The following CNTNAP2 variants were observed in gnomAD, a reference collection of about 807,000 sequenced individuals.
CNTNAP2 encodes contactin-associated protein-like 2.
CNTNAP2 carries 98 observed loss-of-function variants against 155.2 expected under a neutral mutation model. That is an observed-to-expected ratio of 0.63 (90% CI 0.54 to 0.75). The LOEUF is 0.75. Among genes scored for constraint, CNTNAP2 ranks in the 30% least tolerant of loss-of-function variants. The pLI, the probability that CNTNAP2 is intolerant of heterozygous loss-of-function variation, is 0.00. For missense variants in CNTNAP2, 1,727 were observed against 1,688.1 expected (o/e 1.02, Z -0.40); for synonymous variants, 651 against 631.2 (o/e 1.03, Z -0.47).
intron 1 of CNTNAP2, among the ~76,000 whole-genome samples, chr7:146,281,274 G>A (rs1259340943): frequency 6.6e-6 from 1 of 152,002 alleles, no homozygotes; most frequent in Non-Finnish European, 1.5e-5. Flanking sequence ...TATAACCAGA[G>A]GTATTTTCAT....
At chr7:146,824,720 T>C (rs143977402) in intron 2 of CNTNAP2, among the ~76,000 whole-genome samples, 1 of 152,162 alleles carries the variant, frequency 6.6e-6, no homozygotes, top group Admixed American at 6.6e-5. Context: ...TGTTATAATA[T>C]GTTACTTAAA....
chr7:148,080,604 C>CAAAAAAAAAAAAAAAAA (rs199500286), intron 15 of CNTNAP2, among the ~76,000 whole-genome samples: 3 of 69,720 alleles, frequency 4.3e-5, no homozygotes, highest in African/African-American at 1.2e-4. Flanking sequence ...GACTCCATCT[C>CAAAAAAAAAAAAAAAAA]AAAAAAAAAA....
chr7:146,767,637 A>G (rs2129184887), intron 1 of CNTNAP2, among the ~76,000 whole-genome samples: 2 of 152,314 alleles, frequency 1.3e-5, no homozygotes, highest in South Asian at 4.1e-4. Flanking sequence ...TAAAAATGGG[A>G]GGAAAATATG....
intron 11 of CNTNAP2, among the ~76,000 whole-genome samples, chr7:147,522,258 C>T (rs906879032): frequency 6.6e-5 from 10 of 152,154 alleles, no homozygotes; most frequent in Non-Finnish European, 1.0e-4. Flanking sequence ...GGAGGACACA[C>T]GAATATTCTG....
chr7:146,193,255 C>T (rs1798731670), intron 1 of CNTNAP2, among the ~76,000 whole-genome samples: 1 of 152,188 alleles, frequency 6.6e-6, no homozygotes, highest in Non-Finnish European at 1.5e-5. Context: ...CTCACAGTTC[C>T]ACTAGGCAGT....
At chr7:146,842,980 C>CA (rs1803765898) in intron 3 of CNTNAP2, among the ~76,000 whole-genome samples, 1 of 138,436 alleles carries the variant, frequency 7.2e-6, no homozygotes, top group African/African-American at 2.7e-5. Context: ...CCACCACGCC[C>CA]GGCCTGTCCC....
chr7:146,803,292 C>G (rs1255595419), intron 2 of CNTNAP2, among the ~76,000 whole-genome samples: 1 of 152,144 alleles, frequency 6.6e-6, no homozygotes, highest in Non-Finnish European at 1.5e-5. Context: ...AGGAACACAT[C>G]ATCTGAGGAA....
chr7:148,196,659 T>C (rs1489323045), intron 18 of CNTNAP2, among the ~76,000 whole-genome samples: 1 of 152,216 alleles, frequency 6.6e-6, no homozygotes, highest in Non-Finnish European at 1.5e-5. Context: ...ACTGAGGCAT[T>C]GATAAATTAA....
chr7:147,921,893 G>T (rs1800287285), intron 14 of CNTNAP2, among the ~76,000 whole-genome samples: 2 of 152,112 alleles, frequency 1.3e-5, no homozygotes, highest in Admixed American at 6.6e-5. Context: ...TCAATATGGG[G>T]GGTAGGAATT....
At chr7:147,935,532 G>A (rs767533160) in intron 14 of CNTNAP2, among the ~76,000 whole-genome samples, 1 of 152,154 alleles carries the variant, frequency 6.6e-6, no homozygotes, top group African/African-American at 2.4e-5. Flanking sequence ...GTTGTGAATT[G>A]AAATTTTATA....
At chr7:148,237,096 A>C (rs997371670) in intron 20 of CNTNAP2, among the ~76,000 whole-genome samples, 1 of 152,124 alleles carries the variant, frequency 6.6e-6, no homozygotes, top group Non-Finnish European at 1.5e-5. Context: ...TTCCTGCACC[A>C]CCTGCCACCT....
intron 15 of CNTNAP2, among the ~76,000 whole-genome samples, chr7:148,091,948 A>C (rs1366400066): frequency 6.6e-6 from 1 of 152,206 alleles, no homozygotes; most frequent in African/African-American, 2.4e-5. Context: ...AGAGACATGA[A>C]AATAAAGAAT....
At chr7:147,116,100 C>T (rs916289273) in intron 5 of CNTNAP2, among the ~76,000 whole-genome samples, 8 of 152,022 alleles carry the variant, frequency 5.3e-5, no homozygotes, top group East Asian at 1.9e-4. Flanking sequence ...GGAGTCCACT[C>T]GAGACACTAG....
chr7:146,339,832 C>A lies in CNTNAP2; in HGVS notation c.97+222859C>A, dbSNP rs543721535. ...CATTTGTCAGTCTAATTAAAAAAAA[C>A]CACAAAACACCCTCCTCGGAGTAAT... On this transcript the variant is annotated intron_variant, in intron 1 of 23. Transcript: ENST00000361727. Among the ~76,000 whole-genome samples the A allele has an allele frequency of 1.1e-4, 17 of 152,122 alleles. No individual in the cohort carries two copies. In the South Asian group the frequency reaches 1.5e-3, roughly 13 times the overall value.
intron 20 of CNTNAP2, among the ~76,000 whole-genome samples, chr7:148,246,056 G>T (rs977995682): frequency 2.0e-5 from 3 of 152,140 alleles, no homozygotes; most frequent in Admixed American, 6.5e-5. Context: ...GAACTTTCAG[G>T]CATTCCCCCA....
At chr7:146,596,725 C>A (rs1170495101) in intron 1 of CNTNAP2, among the ~76,000 whole-genome samples, 1 of 151,642 alleles carries the variant, frequency 6.6e-6, no homozygotes, top group Non-Finnish European at 1.5e-5. Flanking sequence ...AGGGGCCAGA[C>A]AGCATGGATT....
intron 13 of CNTNAP2, among the ~76,000 whole-genome samples, chr7:147,793,923 T>C (rs919117092): frequency 3.3e-5 from 5 of 152,130 alleles, no homozygotes; most frequent in African/African-American, 1.2e-4. Context: ...TCTTTGATGC[T>C]GTTGTAAATG....
At chr7:147,735,477 G>T (rs1796825376) in intron 13 of CNTNAP2, among the ~76,000 whole-genome samples, 1 of 152,144 alleles carries the variant, frequency 6.6e-6, no homozygotes, top group Non-Finnish European at 1.5e-5. Flanking sequence ...GCAGTGTGGT[G>T]CTGAGAAGAA....
intron 20 of CNTNAP2, among the ~76,000 whole-genome samples, chr7:148,255,046 T>A (rs1405419132): frequency 6.6e-6 from 1 of 152,178 alleles, no homozygotes; most frequent in Non-Finnish European, 1.5e-5. Flanking sequence ...TCACTATGTG[T>A]AACGGTTAAA....
Sources: gnomAD v4.1 joint callset for allele counts (sites outside exome capture counted in the v4.1 genomes callset) on GRCh38, gnomAD v4.1.1 for gene constraint, MANE v1.5 for transcripts, NCBI Gene and HGNC (gene_info 2026-07-23, HGNC 2026-07-21) for gene names.